The following BBX variants were observed in gnomAD, a reference collection of about 807,000 sequenced individuals.
BBX encodes BBX high mobility group box domain containing, also known as HMG box transcription factor BBX.
In BBX, 30 loss-of-function variants were observed where a neutral mutation model predicts 100.2. The ratio of observed to expected loss-of-function variants is 0.30; its 90% CI spans 0.22 to 0.41. BBX has a LOEUF of 0.41. Ranked by LOEUF, BBX falls within the 10% of genes least tolerant of loss-of-function variation. The pLI is 1.00. For missense variants in BBX, 1,023 were observed against 1,129.8 expected (o/e 0.91, Z 1.35); for synonymous variants, 376 against 388.1 (o/e 0.97, Z 0.37).
At chr3:107,752,911 A>G (rs2065188069) in intron 9 of BBX, among the ~76,000 whole-genome samples, 1 of 152,214 alleles carries the variant, frequency 6.6e-6, no homozygotes, top group Non-Finnish European at 1.5e-5. Context: ...TTCGTATCTG[A>G]AAGGATGTAT....
intron 9 of BBX, among the ~76,000 whole-genome samples, chr3:107,750,509 A>G (rs1212225881): frequency 6.6e-6 from 1 of 152,192 alleles, no homozygotes; most frequent in Non-Finnish European, 1.5e-5. Flanking sequence ...AGCAAGTTAA[A>G]TTATTGTATC....
chr3:107,710,609 A>G lies in BBX; in HGVS notation c.149A>G (p.Glu50Gly). The part of the protein sequence containing the change: ...SEEEEEEDEE[E>G]DIDKVQLLGA... ...GAGGAAGAAGAGGAAGACGAAGAGG[A>G]GGATATTGATAAGGTAAGTCCTATA... The change falls in exon 4 of 18, where the codon GAG becomes GGG. Residue 50 changes from glutamate to glycine, a missense_variant. Around this residue, in one of 9 missense-constraint regions of BBX, gnomAD observed 229 missense variants for 226.3 expected, o/e 1.01. Coordinates refer to ENST00000325805, the MANE Select transcript of BBX (RefSeq NM_001142568.3). 6.2e-7 allele frequency: 1 copy of G among 1,611,658 alleles called. No individual in the cohort carries two copies. The highest frequency in any genetic ancestry group is 8.5e-7 in the Non-Finnish European group (1 of 1,178,640).
chr3:107,528,060 T>C (rs2047901226), intron 2 of BBX, among the ~76,000 whole-genome samples: 1 of 152,218 alleles, frequency 6.6e-6, no homozygotes. Flanking sequence ...AAGTGACTGC[T>C]TCATTAAAAC....
At chr3:107,619,018 C>T (rs2055523711) in intron 2 of BBX, among the ~76,000 whole-genome samples, 2 of 151,972 alleles carry the variant, frequency 1.3e-5, no homozygotes, top group South Asian at 4.1e-4. Context: ...GTGGATTTGT[C>T]TGTTTCTCCT....
intron 10 of BBX, among the ~76,000 whole-genome samples, chr3:107,768,266 G>A (rs982991722): frequency 7.2e-5 from 11 of 152,190 alleles, no homozygotes; most frequent in African/African-American, 2.7e-4. Context: ...TATAGTTACG[G>A]TTGGTCATAA....
intron 3 of BBX, among the ~76,000 whole-genome samples, chr3:107,676,564 C>G (rs995858931): frequency 2.0e-5 from 3 of 152,142 alleles, no homozygotes; most frequent in Non-Finnish European, 4.4e-5. Context: ...TGATGCTAAT[C>G]TTTTATCATC....
chr3:107,552,715 C>T (rs1247027119), intron 2 of BBX, among the ~76,000 whole-genome samples: 3 of 152,050 alleles, frequency 2.0e-5, no homozygotes, highest in Non-Finnish European at 2.9e-5. Flanking sequence ...TGGATTCATC[C>T]CCATTTTTCC....
chr3:107,704,960 T>C (rs2061307318), intron 3 of BBX, among the ~76,000 whole-genome samples: 1 of 152,148 alleles, frequency 6.6e-6, no homozygotes, highest in Non-Finnish European at 1.5e-5. Context: ...GGGAGACTTT[T>C]AAGGTGAGAA....
intron 2 of BBX, among the ~76,000 whole-genome samples, chr3:107,537,540 G>A (rs187125048): frequency 1.3e-5 from 2 of 152,320 alleles, no homozygotes; most frequent in East Asian, 3.9e-4. Flanking sequence ...TACAAATTAT[G>A]CTCAAAGCTT....
chr3:107,801,325 A>T, intron 17 of BBX, 44 bp downstream of exon 17: 1 of 1,588,494 alleles, frequency 6.3e-7, no homozygotes, highest in Non-Finnish European at 8.6e-7. Flanking sequence ...TGGAAACCAG[A>T]TCAACCTCTT....
chr3:107,789,763 T>C (rs760688126), intron 13 of BBX, 24 bp from the exon 14 acceptor site: 3 of 1,365,846 alleles, frequency 2.2e-6, no homozygotes, highest in South Asian at 3.0e-5. Flanking sequence ...ATTTAAAATA[T>C]ATTTATATTA....
At chr3:107,560,991 A>G (rs898360161) in intron 2 of BBX, among the ~76,000 whole-genome samples, 11 of 152,298 alleles carry the variant, frequency 7.2e-5, no homozygotes, top group Admixed American at 7.2e-4. Flanking sequence ...TGTCCTGTGC[A>G]TTGTAGAATG....
chr3:107,729,118 A>G (rs573802909), intron 6 of BBX, among the ~76,000 whole-genome samples, 158 bp downstream of exon 6: 13 of 152,300 alleles, frequency 8.5e-5, no homozygotes, highest in East Asian at 3.9e-4. Context: ...CATGATATAT[A>G]TAGAATACAG....
intron 3 of BBX, among the ~76,000 whole-genome samples, chr3:107,691,419 C>A (rs1285149135): frequency 2.0e-5 from 3 of 152,036 alleles, no homozygotes; most frequent in Non-Finnish European, 4.4e-5. Flanking sequence ...ATAAATAACA[C>A]CTGAAAGAAA....
At chr3:107,750,656 A>G (rs1209337354) in intron 9 of BBX, among the ~76,000 whole-genome samples, 1 of 152,204 alleles carries the variant, frequency 6.6e-6, no homozygotes, top group Non-Finnish European at 1.5e-5. Context: ...ACATCTTACA[A>G]TCTGACCATA....
intron 2 of BBX, among the ~76,000 whole-genome samples, chr3:107,571,076 G>A (rs2051320015): frequency 6.6e-6 from 1 of 152,174 alleles, no homozygotes; most frequent in African/African-American, 2.4e-5. Context: ...GGTCAGGCAA[G>A]AGTTAAAGAG....
At chr3:107,586,033 T>A (rs139929882) in intron 2 of BBX, among the ~76,000 whole-genome samples, 118 of 152,314 alleles carry the variant, frequency 7.7e-4, no homozygotes, top group Non-Finnish European at 1.4e-3. Flanking sequence ...TTCTTTCATA[T>A]AACTGTATTG....
intron 3 of BBX, among the ~76,000 whole-genome samples, chr3:107,705,735 A>T (rs2061354169): frequency 6.6e-6 from 1 of 152,144 alleles, no homozygotes; most frequent in Non-Finnish European, 1.5e-5. Flanking sequence ...AGTGAACGAG[A>T]ATCTTCTAGA....
intron 2 of BBX, among the ~76,000 whole-genome samples, chr3:107,627,316 T>C (rs1043725545): frequency 2.6e-5 from 4 of 152,224 alleles, no homozygotes; most frequent in African/African-American, 9.6e-5. Flanking sequence ...TTTCTGGCTG[T>C]TTCCCAAATG....
Sources: allele counts gnomAD v4.1 joint callset (sites outside exome capture counted in the v4.1 genomes callset), GRCh38; gene constraint gnomAD v4.1.1; regional missense constraint gnomAD v4.1.1; transcripts MANE v1.5; gene names NCBI Gene and HGNC (gene_info 2026-07-23, HGNC 2026-07-21).